TTL: variants seen among roughly 807,000 people sequenced by gnomAD.
The protein encoded by TTL is tubulin tyrosine ligase.
In TTL, 10 loss-of-function variants were observed where a neutral mutation model predicts 41.1. The observed-to-expected ratio is 0.24, with a 90% CI of 0.15 to 0.41. TTL has a LOEUF of 0.41. TTL is among the 10% of genes least tolerant of loss of function. The pLI, the probability that TTL is intolerant of heterozygous loss-of-function variation, is 1.00. For missense variants in TTL, 367 were observed against 460.4 expected, an observed-to-expected ratio of 0.80 and a Z score of 1.86; for synonymous variants, 175 against 175.5, an observed-to-expected ratio of 1.00 and a Z score of 0.02.
chr2:112,531,786 TTC>T lies in TTL; in HGVS notation c.*2995_*2996del, dbSNP rs893574230. ...CACAAGCAGGTGTTGTCTAAGCAGT[TTC>T]TCTGTTTGCTTGTCATAGCAGCATT... is the stretch of plus-strand genomic sequence containing the variant. On this transcript the variant is annotated 3_prime_UTR_variant, in exon 7 of 7. Coordinates refer to ENST00000233336, the MANE Select transcript of TTL (RefSeq NM_153712.5). The T allele has an allele frequency of 4.5e-6, 1 of 224,422 alleles. No individual in the cohort carries two copies. The highest frequency in any genetic ancestry group is 2.2e-5 in the African/African-American group (1 of 44,926). 13.9% of individuals were successfully genotyped at this position (224,422 alleles called of 1,614,324 possible). A position where few individuals can be genotyped will look rare whatever the true frequency, so the allele number is the denominator to read the frequency against.
intron 5 of TTL, among the ~76,000 whole-genome samples, chr2:112,503,805 CTT>C (rs70963002): frequency 0.012 from 1,218 of 102,452 alleles, 5 homozygotes; most frequent in African/African-American, 0.039. Flanking sequence ...CCGTAAACTT[CTT>C]TTTTTTTTTT....
At chr2:112,492,386 A>G (rs1681412090) in intron 2 of TTL, among the ~76,000 whole-genome samples, 1 of 151,626 alleles carries the variant, frequency 6.6e-6, no homozygotes, top group Non-Finnish European at 1.5e-5. Flanking sequence ...GGAGTTTGAG[A>G]CCAGCTTGGC....
rs556393358 is a variant in TTL, at chr2:112,492,501, C to T, written c.237-1642C>T. 9.2e-5 allele frequency among the ~76,000 whole-genome samples: 14 copies of T among 151,946 alleles called. No homozygotes were observed. In the East Asian group the frequency reaches 2.3e-3, roughly 25 times the overall value. ...ATCCCAGCACTTTGGGAGGCCGAGG[C>T]GGGTGGATCACGAGGTCAGGAGATC... On this transcript the variant is annotated intron_variant, in intron 2 of 6. Coordinates refer to ENST00000233336, the MANE Select transcript of TTL (RefSeq NM_153712.5).
chr2:112,535,703 G>T lies in TTL; in HGVS notation c.*6908G>T, dbSNP rs1682584435. Reference sequence around the variant, plus strand: ...ATCAGTAATTTCATTAAATGCAAATGAATTAAATACTCCAATCAGAAGGTA... The same window carrying T: ...ATCAGTAATTTCATTAAATGCAAATTAATTAAATACTCCAATCAGAAGGTA... On this transcript the variant is annotated 3_prime_UTR_variant, in exon 7 of 7. Transcript: ENST00000233336. The T allele has an allele frequency of 6.6e-6, 1 of 150,706 alleles. No homozygotes were observed. The highest frequency in any genetic ancestry group is 2.4e-5 in the African/African-American group (1 of 40,924). 9.3% of individuals were successfully genotyped at this position (150,706 alleles called of 1,614,324 possible).
chr2:112,517,020 A>G (rs1682089383), intron 5 of TTL, among the ~76,000 whole-genome samples: 1 of 152,116 alleles, frequency 6.6e-6, no homozygotes, highest in Non-Finnish European at 1.5e-5. Flanking sequence ...AAATGCTCCC[A>G]GCAGCTCTCA....
chr2:112,500,512 A>C (rs1681661937), intron 3 of TTL, among the ~76,000 whole-genome samples: 1 of 152,160 alleles, frequency 6.6e-6, no homozygotes, highest in Non-Finnish European at 1.5e-5. Flanking sequence ...CGAAGGTTAC[A>C]GTGAGCTGAG....
intron 3 of TTL, among the ~76,000 whole-genome samples, chr2:112,494,665 C>T (rs957085526): frequency 6.6e-6 from 1 of 152,168 alleles, no homozygotes; most frequent in African/African-American, 2.4e-5. Flanking sequence ...CCCACGCCAG[C>T]CTGCTCCTCC....
At chr2:112,490,570 T>A (rs1355682718) in intron 2 of TTL, among the ~76,000 whole-genome samples, 3 of 53,214 alleles carry the variant, frequency 5.6e-5, no homozygotes, top group South Asian at 1.4e-3. Context: ...TAGTAAATCT[T>A]TTTTTTTTTT....
chr2:112,495,455 G>T (rs1681500185), intron 3 of TTL, among the ~76,000 whole-genome samples: 1 of 152,196 alleles, frequency 6.6e-6, no homozygotes, highest in Non-Finnish European at 1.5e-5. Flanking sequence ...AAGGGGTAAG[G>T]TTTATAATGT....
At position 112,520,395 on chromosome 2, in the gene TTL, T is replaced by C; in HGVS notation, c.989T>C (p.Ile330Thr). 1.2e-6 allele frequency: 2 copies of C among 1,614,090 alleles called. No homozygotes were observed. The highest frequency in any genetic ancestry group is 1.7e-6 in the Non-Finnish European group (2 of 1,180,022). ...GATGAGGAGCTGAAGGTGTGGCTCATTGAGGTCAACGGTGCCCCTGCATGT... is the reference window on the plus strand; with the variant it reads ...GATGAGGAGCTGAAGGTGTGGCTCACTGAGGTCAACGGTGCCCCTGCATGT... ...MVDEELKVWL[I>T]EVNGAPACAQ... The change falls in exon 6 of 7, where the codon ATT becomes ACT. Residue 330 changes from isoleucine to threonine, a missense_variant. Ile to Thr is a moderately conservative substitution (Grantham distance 89). Coordinates refer to ENST00000233336, the MANE Select transcript of TTL (RefSeq NM_153712.5).
At chr2:112,498,657 A>C (rs1216302797) in intron 3 of TTL, among the ~76,000 whole-genome samples, 2 of 151,988 alleles carry the variant, frequency 1.3e-5, no homozygotes, top group African/African-American at 4.8e-5. Context: ...TAATCCCAGC[A>C]CTTTGGGAGG....
In TTL at chr2:112,528,915, T is replaced by A. The variant is rs1465817; in HGVS notation, c.*120T>A. 105,029 of 820,478 alleles carry A rather than the reference T, an allele frequency of 0.13. 7,819 individuals are homozygous for A. Among genetic ancestry groups the A allele is most frequent in the South Asian group, 0.17 (10,853 of 64,198 alleles). 50.8% of individuals were successfully genotyped at this position (820,478 alleles called of 1,614,324 possible). A position where few individuals can be genotyped will look rare whatever the true frequency, so the allele number is the denominator to read the frequency against. ...GGGAAAGAAAGGCAACTCGCAAAGA[T>A]GAGATGGAAGAAGGCACGTGAGCAG... On this transcript the variant is annotated 3_prime_UTR_variant, in exon 7 of 7. Coordinates refer to ENST00000233336, the MANE Select transcript of TTL (RefSeq NM_153712.5).
rs34263686 is a variant in TTL, at chr2:112,533,207, C to T, written c.*4412C>T. ...ATGCCAGAAGCCCTGTGTAGGCACTCCACTCCAAACAGGTTTCACATACAC... is the reference window on the plus strand; with the variant it reads ...ATGCCAGAAGCCCTGTGTAGGCACTTCACTCCAAACAGGTTTCACATACAC... On this transcript the variant is annotated 3_prime_UTR_variant, in exon 7 of 7. Coordinates refer to ENST00000233336, the MANE Select transcript of TTL (RefSeq NM_153712.5). The T allele has an allele frequency of 0.1, 15,932 of 152,252 alleles. 1,046 individuals are homozygous for T. Among genetic ancestry groups the T allele is most frequent in the South Asian group, 0.16 (784 of 4,814 alleles). The allele number at this position is 152,252 out of a possible 1,614,324, so 9.4% of individuals were successfully genotyped here. A position where few individuals can be genotyped will look rare whatever the true frequency, so the allele number is the denominator to read the frequency against.
intron 3 of TTL, 35 bp downstream of exon 3, chr2:112,494,410 GGT>G: frequency 6.6e-7 from 1 of 1,526,428 alleles, no homozygotes; most frequent in East Asian, 2.3e-5. Flanking sequence ...CTCTATTCCT[GGT>G]AAGTTGCTAT....
intron 6 of TTL, among the ~76,000 whole-genome samples, chr2:112,523,519 T>C (rs1422329929): frequency 6.7e-6 from 1 of 149,620 alleles, no homozygotes; most frequent in Non-Finnish European, 1.5e-5. Flanking sequence ...CCTCTGTCAC[T>C]GGGGAGTCTT....
chr2:112,525,433 G>A (rs543450198), intron 6 of TTL, among the ~76,000 whole-genome samples: 3 of 152,066 alleles, frequency 2.0e-5, no homozygotes, highest in Admixed American at 2.0e-4. Context: ...GCATGGAATG[G>A]TCTTCCATTT....
intron 3 of TTL, among the ~76,000 whole-genome samples, chr2:112,498,414 C>G (rs1163341313): frequency 6.6e-6 from 1 of 152,056 alleles, no homozygotes; most frequent in Non-Finnish European, 1.5e-5. Flanking sequence ...TGTATAGGCT[C>G]TGTGTGCTAA....
At chr2:112,484,694 C>T (rs1681192453) in intron 1 of TTL, among the ~76,000 whole-genome samples, 1 of 152,108 alleles carries the variant, frequency 6.6e-6, no homozygotes, top group Non-Finnish European at 1.5e-5. Context: ...ATTTATAGAG[C>T]TAGGTAAAGG....
chr2:112,523,130 G>T (rs1240140185), intron 6 of TTL, among the ~76,000 whole-genome samples: 1 of 152,110 alleles, frequency 6.6e-6, no homozygotes, highest in Non-Finnish European at 1.5e-5. Flanking sequence ...GGGCCTTTGT[G>T]CTTTCTGTTA....
Sources: allele counts gnomAD v4.1 joint callset (sites outside exome capture counted in the v4.1 genomes callset), GRCh38; gene constraint gnomAD v4.1.1; transcripts MANE v1.5; gene names NCBI Gene and HGNC (gene_info 2026-07-23, HGNC 2026-07-21).